The following OLFM4 variants were observed in gnomAD, a reference collection of about 807,000 sequenced individuals.
OLFM4 encodes the protein olfactomedin 4, also known as olfactomedin-4.
OLFM4 carries 22 observed loss-of-function variants against 25.5 expected under a neutral mutation model. That is an observed-to-expected ratio of 0.86 (90% CI 0.62 to 1.23). The LOEUF is 1.23. OLFM4 is among the 50% of genes most tolerant of loss of function. The pLI is 0.00. For missense variants in OLFM4, 594 were observed against 619.4 expected (o/e 0.96, Z 0.44); for synonymous variants, 255 against 237.7 (o/e 1.07, Z -0.67).
At chr13:53,042,229 C>A in intron 3 of OLFM4, 107 bp downstream of exon 3, 1 of 918,702 alleles carries the variant, frequency 1.1e-6, no homozygotes. Context: ...ACTTCTAATT[C>A]TCTACTGTCT....
In OLFM4 at chr13:53,043,283, T is replaced by C; in HGVS notation, c.730+19T>C. ...ACTCCAGGTAAGCATGCCAGTTTTTTTAACCACTTGTGCCAGACCCCATAA... is the reference window on the plus strand; with the variant it reads ...ACTCCAGGTAAGCATGCCAGTTTTTCTAACCACTTGTGCCAGACCCCATAA... On this transcript the variant is annotated intron_variant, in intron 4 of 4. Coordinates refer to ENST00000219022, the MANE Select transcript of OLFM4 (RefSeq NM_006418.5). 1 of 1,581,658 alleles carries C rather than the reference T, an allele frequency of 6.3e-7. No individual in the cohort carries two copies.
chr13:53,047,820 A>G (rs1954723314), intron 4 of OLFM4, among the ~76,000 whole-genome samples: 1 of 152,178 alleles, frequency 6.6e-6, no homozygotes, highest in African/African-American at 2.4e-5. Context: ...AAAAATTTCC[A>G]CATCTGGGGA....
At chr13:53,046,337 T>C (rs973210409) in intron 4 of OLFM4, among the ~76,000 whole-genome samples, 1 of 152,198 alleles carries the variant, frequency 6.6e-6, no homozygotes, top group Non-Finnish European at 1.5e-5. Flanking sequence ...ATATTTTAAA[T>C]TCTCATGATT....
chr13:53,048,478 T>C (rs561565226), intron 4 of OLFM4, among the ~76,000 whole-genome samples: 2 of 152,216 alleles, frequency 1.3e-5, no homozygotes, highest in African/African-American at 2.4e-5. Context: ...CCCCAGCCGA[T>C]TGGAAAAATA....
At position 53,050,157 on chromosome 13, in the gene OLFM4, A is replaced by C. The variant is rs139638561; in HGVS notation, c.919A>C (p.Asn307His). Reference sequence around the variant, plus strand: ...ACTGTTGGAGTATTATAGACTGTACAACACACTGGATGATTTGCTATTGTA... The same window carrying C: ...ACTGTTGGAGTATTATAGACTGTACCACACACTGGATGATTTGCTATTGTA... ...GRLLEYYRLY[N>H]TLDDLLLYIN... The change falls in exon 5 of 5, where the codon AAC becomes CAC. Residue 307 changes from asparagine (N) to histidine (H), a missense_variant. By Grantham distance (68) the Asn-to-His change is moderately conservative. Transcript: ENST00000219022. The C allele has an allele frequency of 6.2e-7, 1 of 1,613,976 alleles. No homozygotes were observed. Among genetic ancestry groups the C allele is most frequent in the South Asian group, 1.1e-5 (1 of 91,078 alleles).
At chr13:53,045,997 G>T (rs904618089) in intron 4 of OLFM4, among the ~76,000 whole-genome samples, 2 of 152,154 alleles carry the variant, frequency 1.3e-5, no homozygotes, top group Non-Finnish European at 2.9e-5. Context: ...GGTCCATAGT[G>T]ATGCTCAGTA....
Position 53,050,056 on chromosome 13 carries a change from C to T in OLFM4, c.818C>T (p.Ala273Val). The T allele has an allele frequency of 6.2e-7, 1 of 1,613,974 alleles. No homozygotes were observed. The highest frequency in any genetic ancestry group is 8.5e-7 in the Non-Finnish European group (1 of 1,179,916). The change falls in exon 5 of 5, where the codon GCT (alanine) becomes GTT (valine). Residue 273 changes from alanine (A) to valine (V), a missense_variant. Physicochemically the swap from Ala to Val is moderately conservative, Grantham distance 64. Coordinates refer to ENST00000219022, the MANE Select transcript of OLFM4 (RefSeq NM_006418.5). The stretch of plus-strand genomic sequence containing the variant: ...AGAGGGTTTTCTTATCTATATGGTG[C>T]TTGGGGTAGGGATTACTCTCCCCAG... Reference protein sequence around the residue: ...NWRGFSYLYGAWGRDYSPQHP... With the variant: ...NWRGFSYLYGVWGRDYSPQHP...
At chr13:53,044,374 A>G (rs1050873622) in intron 4 of OLFM4, among the ~76,000 whole-genome samples, 10 of 152,080 alleles carry the variant, frequency 6.6e-5, no homozygotes, top group Non-Finnish European at 1.5e-5. Flanking sequence ...CTGAGTGGGG[A>G]CTGTATCTTT....
At chr13:53,032,485 A>G (rs565955145) in intron 1 of OLFM4, among the ~76,000 whole-genome samples, 2 of 152,178 alleles carry the variant, frequency 1.3e-5, no homozygotes, top group Non-Finnish European at 2.9e-5. Context: ...GTTTCAAGGG[A>G]AGCTGGCCTC....
At chr13:53,033,010 G>A (rs547797045) in intron 1 of OLFM4, among the ~76,000 whole-genome samples, 21 of 152,152 alleles carry the variant, frequency 1.4e-4, no homozygotes, top group Non-Finnish European at 2.2e-4. Context: ...CCTTCAGGCT[G>A]ATGTTCCACA....
In OLFM4 at chr13:53,050,492, A is replaced by G. The variant is rs1438274771; in HGVS notation, c.1254A>G (p.Leu418=). Residue 418 remains leucine, a synonymous_variant, in exon 5 of 5, where the codon CTA becomes CTG. Coordinates refer to ENST00000219022, the MANE Select transcript of OLFM4 (RefSeq NM_006418.5). ...TCAATGACACCACACTTCAGGTGCT[A>G]AACACTTGGTATACCAAGCAGTATA... is the stretch of plus-strand genomic sequence containing the variant. The part of the protein sequence containing the change: ...SKLNDTTLQV[L]NTWYTKQYKP... The G allele has an allele frequency of 1.9e-6, 3 of 1,613,980 alleles. No individual in the cohort carries two copies. The highest frequency in any genetic ancestry group is 2.7e-5 in the African/African-American group (2 of 74,926).
At chr13:53,029,433 C>T (rs995563441) in intron 1 of OLFM4, among the ~76,000 whole-genome samples, 1 of 152,078 alleles carries the variant, frequency 6.6e-6, no homozygotes, top group Non-Finnish European at 1.5e-5. Flanking sequence ...AATATATAGT[C>T]CAAGATGGGA....
chr13:53,044,936 T>C (rs1489041866), intron 4 of OLFM4, among the ~76,000 whole-genome samples: 1 of 152,184 alleles, frequency 6.6e-6, no homozygotes, highest in African/African-American at 2.4e-5. Flanking sequence ...CAATTTTCTA[T>C]GCATCCCTTA....
chr13:53,047,698 A>T (rs1336054321), intron 4 of OLFM4, among the ~76,000 whole-genome samples: 5 of 152,174 alleles, frequency 3.3e-5, no homozygotes, highest in Non-Finnish European at 5.9e-5. Context: ...AGTAGTAGTA[A>T]CAATAGTAAT....
rs1954696996 is a variant in OLFM4 at position 53,043,210 on chromosome 13, T to C, written c.676T>C (p.Cys226Arg). The C allele has an allele frequency of 6.2e-7, 1 of 1,611,900 alleles. No individual in the cohort carries two copies. The highest frequency in any genetic ancestry group is 8.5e-7 in the Non-Finnish European group (1 of 1,179,322). Residue 226 changes from cysteine (C) to arginine (R), a missense_variant, in exon 4 of 5, where the codon TGT becomes CGT. Transcript: ENST00000219022. ...GGCTCTGAAGACCAAGCTGAAAGAG[T>C]GTGAGGCCTCTAAAGATCAAAACAC... ...IVALKTKLKE[C>R]EASKDQNTPV...
chr13:53,039,645 G>C (rs1954677429), intron 2 of OLFM4, among the ~76,000 whole-genome samples: 1 of 152,114 alleles, frequency 6.6e-6, no homozygotes, highest in East Asian at 1.9e-4. Context: ...TTTTCTGTCA[G>C]AGTCTTAAGC....
At chr13:53,036,287 G>A (rs545484621) in intron 2 of OLFM4, among the ~76,000 whole-genome samples, 91 of 152,260 alleles carry the variant, frequency 6.0e-4, no homozygotes, top group Non-Finnish European at 8.7e-4. Flanking sequence ...CCTTATTCCA[G>A]CATAATCAAG....
intron 2 of OLFM4, among the ~76,000 whole-genome samples, chr13:53,035,425 A>T (rs1954653478): frequency 6.6e-6 from 1 of 152,146 alleles, no homozygotes; most frequent in Non-Finnish European, 1.5e-5. Flanking sequence ...TGGAGTGTCC[A>T]TCCCCTCAAG....
chr13:53,041,844 G>A (rs1446638516), intron 2 of OLFM4, 66 bp from the exon 3 acceptor site: 19 of 1,092,536 alleles, frequency 1.7e-5, no homozygotes, highest in East Asian at 2.4e-5. Flanking sequence ...TCAAGGGCTC[G>A]GTAGTGGAAG....
Sources: gnomAD v4.1 joint callset for allele counts (sites outside exome capture counted in the v4.1 genomes callset) on GRCh38, gnomAD v4.1.1 for gene constraint, MANE v1.5 for transcripts, NCBI Gene and HGNC (gene_info 2026-07-23, HGNC 2026-07-21) for gene names.